The following MRPL58 variants were observed in gnomAD, a reference collection of about 807,000 sequenced individuals.
The protein encoded by MRPL58 is mitochondrial ribosomal protein L58, also known as large ribosomal subunit protein mL62.
Under a neutral mutation model 26.0 loss-of-function variants are expected in MRPL58, and 17 were observed. The observed-to-expected ratio is 0.65, with a 90% CI of 0.45 to 0.98. The LOEUF (loss-of-function observed/expected upper bound fraction) is 0.98, where lower values mean the gene tolerates loss of function less well. Ranked by LOEUF, MRPL58 falls within the 50% of genes least tolerant of loss-of-function variation. The pLI is 0.00. For synonymous variants in MRPL58, 100 were observed against 99.7 expected, an observed-to-expected ratio of 1.00 and a Z score of -0.02; for missense variants, 250 against 269.0, an observed-to-expected ratio of 0.93 and a Z score of 0.49.
intron 5 of MRPL58, 120 bp downstream of exon 5, chr17:75,020,777 A>T: frequency 7.8e-7 from 1 of 1,274,422 alleles, no homozygotes; most frequent in Non-Finnish European, 1.1e-6. Context: ...GGAAGAGGAG[A>T]GGATGCTGAC....
At chr17:75,013,560 T>A (rs2144880221) in intron 1 of MRPL58, among the ~76,000 whole-genome samples, 1 of 152,242 alleles carries the variant, frequency 6.6e-6, no homozygotes, top group South Asian at 2.1e-4. Flanking sequence ...AAATGACTAA[T>A]ATAGAATGTG....
chr17:75,020,363 G>A lies in MRPL58; in HGVS notation c.334G>A (p.Ala112Thr), dbSNP rs147301315. ...RFHLATAEWI[A>T]EPVRQKIAIT... ...CCATTTGGCAACTGCCGAGTGGATC[G>A]CGGAGCCCGTGCGGCAGAAGATAGC... The change falls in exon 4 of 6, where the codon GCG becomes ACG. Residue 112 changes from alanine (A) to threonine (T), a missense_variant. Physicochemically the swap from Ala to Thr is moderately conservative, Grantham distance 58 (BLOSUM62 0). Transcript: ENST00000301585. 57 of 1,613,774 alleles carry A rather than the reference G, an allele frequency of 3.5e-5. No homozygotes were observed. In the African/African-American group the frequency reaches 3.9e-4, roughly 11 times the overall value.
rs1450199558 is a variant in MRPL58, at chr17:75,012,853, A to AC, written c.168dup (p.Thr57HisfsTer15). 3.1e-6 allele frequency: 5 copies of AC among 1,611,504 alleles called. No individual in the cohort carries two copies. In the African/African-American group the frequency reaches 6.7e-5, roughly 22 times the overall value. The stretch of plus-strand genomic sequence containing the variant: ...CTCTACCCCGAATCTCAGGGCTCGG[A>AC]CACCGCCTGGAGGGTCCCGGTGAGC... On this transcript the variant is annotated frameshift_variant, in exon 1 of 6. Transcript: ENST00000301585. LOFTEE classifies it high-confidence loss of function.
intron 2 of MRPL58, among the ~76,000 whole-genome samples, chr17:75,018,233 C>T (rs1215025231): frequency 2.7e-5 from 4 of 146,862 alleles, no homozygotes; most frequent in Non-Finnish European, 6.0e-5. Context: ...TCTGAAATAT[C>T]TTTTTTTTTT....
chr17:75,016,934 C>A, intron 1 of MRPL58, 144 bp from the exon 2 acceptor site: 2 of 703,650 alleles, frequency 2.8e-6, no homozygotes, highest in South Asian at 1.6e-5. Flanking sequence ...TTTCTGTCAT[C>A]GTGATATCAT....
chr17:75,012,956 T>A, intron 1 of MRPL58, 84 bp downstream of exon 1: 1 of 1,279,298 alleles, frequency 7.8e-7, no homozygotes, highest in Non-Finnish European at 1.1e-6. Context: ...TGGCCGGATG[T>A]GGAGCTACGT....
At chr17:75,020,186 A>G in intron 3 of MRPL58, 127 bp from the exon 4 acceptor site, 2 of 739,336 alleles carry the variant, frequency 2.7e-6, no homozygotes, top group South Asian at 3.4e-5. Context: ...CAACTTGGAC[A>G]TAGGCTACAA....
intron 1 of MRPL58, among the ~76,000 whole-genome samples, chr17:75,014,225 G>C (rs189506907): frequency 0.061 from 7,301 of 118,818 alleles, 518 homozygotes; most frequent in African/African-American, 0.19. Flanking sequence ...TCACTCTGTC[G>C]CCCAGGCTGG....
At chr17:75,013,014 C>G in intron 1 of MRPL58, 142 bp downstream of exon 1, 3 of 747,140 alleles carry the variant, frequency 4.0e-6, no homozygotes, top group Non-Finnish European at 6.4e-6. Flanking sequence ...GCTGTCTGCG[C>G]TAACCTGGCC....
chr17:75,019,082 AT>A (rs779970076), intron 2 of MRPL58, among the ~76,000 whole-genome samples: 5 of 151,634 alleles, frequency 3.3e-5, no homozygotes, highest in Admixed American at 6.6e-5. Flanking sequence ...GTGAGCCGTC[AT>A]TGTGCCACTG....
Position 75,018,253 on chromosome 17 carries a change from A to G in MRPL58, c.223+1139A>G, listed in dbSNP as rs1311983778. Among the ~76,000 whole-genome samples the G allele has an allele frequency of 2.0e-5, 3 of 148,938 alleles. No homozygotes were observed. In the Admixed American group the frequency reaches 2.0e-4, roughly 10 times the overall value. ...AATATCTTTTTTTTTTTTCTTTGAG[A>G]TGGAGTCTCGCTCTGTCACCCAGGC... On this transcript the variant is annotated intron_variant, in intron 2 of 5. Coordinates refer to ENST00000301585, the MANE Select transcript of MRPL58 (RefSeq NM_001545.3).
chr17:75,017,940 A>AG (rs1033433544), intron 2 of MRPL58, among the ~76,000 whole-genome samples: 7 of 151,442 alleles, frequency 4.6e-5, no homozygotes, highest in African/African-American at 1.5e-4. Context: ...AAAAAAAAAA[A>AG]TCAGTCATTT....
intron 2 of MRPL58, 132 bp downstream of exon 2, chr17:75,017,246 G>C (rs1020319316): frequency 4.3e-6 from 3 of 699,748 alleles, no homozygotes; most frequent in Non-Finnish European, 7.8e-6. Flanking sequence ...GGCCGAGTTT[G>C]TGCCATTGCA....
intron 2 of MRPL58, among the ~76,000 whole-genome samples, chr17:75,018,107 G>A (rs369844644): frequency 2.0e-5 from 3 of 152,312 alleles, no homozygotes; most frequent in African/African-American, 7.2e-5. Flanking sequence ...TGTGCCACGT[G>A]AGTGTAGAGC....
intron 1 of MRPL58, among the ~76,000 whole-genome samples, chr17:75,014,372 T>C (rs1029941485): frequency 6.8e-6 from 1 of 146,396 alleles, no homozygotes; most frequent in African/African-American, 2.5e-5. Flanking sequence ...TTTTTTTTTT[T>C]AGTAGAGAGG....
chr17:75,020,254 G>C (rs1598670506), intron 3 of MRPL58, 59 bp from the exon 4 acceptor site: 1 of 1,321,094 alleles, frequency 7.6e-7, no homozygotes, highest in South Asian at 1.2e-5. Flanking sequence ...GGTCACCCAG[G>C]GGTTGATCCT....
chr17:75,013,434 A>T (rs528763950), intron 1 of MRPL58, among the ~76,000 whole-genome samples: 1 of 151,474 alleles, frequency 6.6e-6, no homozygotes, highest in South Asian at 2.1e-4. Context: ...TTGTTCATTA[A>T]TTCACTCACT....
intron 2 of MRPL58, among the ~76,000 whole-genome samples, chr17:75,019,192 G>A (rs1322022140): frequency 6.6e-6 from 1 of 151,954 alleles, no homozygotes; most frequent in Admixed American, 6.6e-5. Context: ...GAGGCAGAAA[G>A]CCTCCTATCT....
At chr17:75,016,440 C>CG (rs1203981490) in intron 1 of MRPL58, among the ~76,000 whole-genome samples, 1 of 151,790 alleles carries the variant, frequency 6.6e-6, no homozygotes, top group Non-Finnish European at 1.5e-5. Context: ...TGAAGGCAGT[C>CG]GGGAGTGCAC....
Sources: gnomAD v4.1 joint callset for allele counts (sites outside exome capture counted in the v4.1 genomes callset) on GRCh38, gnomAD v4.1.1 for gene constraint, MANE v1.5 for transcripts, NCBI Gene and HGNC (gene_info 2026-07-23, HGNC 2026-07-21) for gene names.